Variants in KMT2C observed in about 807,000 individuals in gnomAD.
KMT2C encodes lysine methyltransferase 2C.
A neutral mutation model predicts 507.9 loss-of-function variants in KMT2C; 88 were observed. The ratio of observed to expected loss-of-function variants is 0.17; its 90% CI spans 0.15 to 0.21. The LOEUF is 0.21. Among genes scored for constraint, KMT2C ranks in the 10% least tolerant of loss-of-function variants. The probability of loss-of-function intolerance (pLI) is 1.00; values close to 1 mark genes in which losing one functional copy is unlikely to be tolerated. For synonymous variants in KMT2C, 2,049 were observed against 2,080.8 expected (o/e 0.98, Z 0.42); for missense variants, 4,954 against 5,957.8 (o/e 0.83, Z 5.55).
intron 1 of KMT2C, among the ~76,000 whole-genome samples, chr7:152,377,518 T>G (rs2097338292): frequency 6.6e-6 from 1 of 152,202 alleles, no homozygotes; most frequent in Non-Finnish European, 1.5e-5. Flanking sequence ...GCGGATCACT[T>G]GAAGCCAGGA....
intron 39 of KMT2C, among the ~76,000 whole-genome samples, chr7:152,172,270 C>T (rs2092996486): frequency 6.6e-6 from 1 of 152,170 alleles, no homozygotes; most frequent in Admixed American, 6.5e-5. Flanking sequence ...CTATCACTTC[C>T]ATTTCTAAAA....
Position 152,176,970 on chromosome 7 carries a change from G to A in KMT2C, c.8483C>T (p.Ser2828Phe), listed in dbSNP as rs757927593. Residue 2828 changes from serine to phenylalanine, a missense_variant, in exon 38 of 59, where the codon TCT becomes TTT. Around this residue, in one of 29 missense-constraint regions of KMT2C, gnomAD observed 1,689 missense variants for 1,654.3 expected, o/e 1.02. Coordinates refer to ENST00000262189, the MANE Select transcript of KMT2C (RefSeq NM_170606.3). The part of the protein sequence containing the change: ...VTNEVKTEVL[S>F]PNSKVESKCE... ...TTTGGATTCCACCTTAGAATTTGGA[G>A]ACAGTACTTCCGTTTTTACCTCATT... The A allele has an allele frequency of 1.9e-6, 3 of 1,614,060 alleles. No individual in the cohort carries two copies. The South Asian group carries it at 3.3e-5, about 18-fold the overall frequency.
Position 152,410,764 on chromosome 7 carries a change from A to T in KMT2C, c.161+24862T>A, listed in dbSNP as rs542642547. Among the ~76,000 whole-genome samples, 20 of 151,994 alleles carry T rather than the reference A, an allele frequency of 1.3e-4. No individual in the cohort carries two copies. In the East Asian group the frequency reaches 2.9e-3, roughly 22 times the overall value. On this transcript the variant is annotated intron_variant, in intron 1 of 58. Transcript: ENST00000262189. Reference sequence around the variant, plus strand: ...ATAATCCCAGCATTTTGGGAGGTTGAGGTAGGTGGATCACTTGAACCCAGG... The same window carrying T: ...ATAATCCCAGCATTTTGGGAGGTTGTGGTAGGTGGATCACTTGAACCCAGG...
intron 54 of KMT2C, 25 bp downstream of exon 54, chr7:152,145,128 A>G (rs768793172): frequency 1.2e-6 from 2 of 1,612,048 alleles, no homozygotes; most frequent in Non-Finnish European, 8.5e-7. Context: ...CCTGGGCTGT[A>G]CTATGTGAAG....
chr7:152,194,536 A>C lies in KMT2C; in HGVS notation c.4411T>G (p.Leu1471Val), dbSNP rs1276266716. 1.2e-6 allele frequency: 2 copies of C among 1,613,098 alleles called. No homozygotes were observed. Among genetic ancestry groups the C allele is most frequent in the Non-Finnish European group, 1.7e-6 (2 of 1,179,180 alleles). ...CTCTGATTGACATTTGGCTGAGGCA[A>C]AGAGGAAGGATCATCAGTGACAGGA... ...IGPVTDDPSS[L>V]PQPNVNQSSR... The change falls in exon 29 of 59, where the codon TTG becomes GTG. Residue 1471 changes from leucine to valine, a missense_variant. Physicochemically the swap from Leu to Val is conservative, Grantham distance 32 (BLOSUM62 1). Transcript: ENST00000262189.
chr7:152,367,329 G>A (rs551188650), intron 1 of KMT2C: 17 of 902,816 alleles, frequency 1.9e-5, no homozygotes, highest in Middle Eastern at 3.2e-4. Flanking sequence ...CTGCACCTTC[G>A]CAGAAGCCCT....
Position 152,177,220 on chromosome 7 carries a change from G to A in KMT2C, c.8233C>T (p.Leu2745=), listed in dbSNP as rs956827112. The change falls in exon 38 of 59, where the codon CTG becomes TTG. Residue 2745 remains leucine (L), a synonymous_variant. Transcript: ENST00000262189. ...TCTCCTGACCTTAAGAGGTCATCCA[G>A]GTTGGGATCATTAGTTTCCAAATTA... ...LDNLETNDPN[L]DDLLRSGEFD... is the part of the protein sequence containing the mutation. 2.5e-6 allele frequency: 4 copies of A among 1,613,558 alleles called. No homozygotes were observed. In the African/African-American group the frequency reaches 5.3e-5, roughly 22 times the overall value.
intron 6 of KMT2C, among the ~76,000 whole-genome samples, chr7:152,295,893 C>T (rs1321173395): frequency 3.3e-5 from 5 of 151,478 alleles, no homozygotes; most frequent in Non-Finnish European, 5.9e-5. Flanking sequence ...GGTGAAACCC[C>T]GTCTCTACTA....
chr7:152,315,412 A>C (rs2096713118), intron 3 of KMT2C, 74 bp from the exon 4 acceptor site: 1 of 1,034,764 alleles, frequency 9.7e-7, no homozygotes, highest in Non-Finnish European at 1.5e-6. Flanking sequence ...ATAACTATAG[A>C]TACTTGTGCT....
intron 1 of KMT2C, among the ~76,000 whole-genome samples, chr7:152,392,447 C>G (rs2097506370): frequency 1.3e-5 from 2 of 152,184 alleles, no homozygotes; most frequent in African/African-American, 4.8e-5. Context: ...CCATTTATAA[C>G]TCACCTAGTT....
At chr7:152,241,625 C>T (rs1339159771) in intron 14 of KMT2C, among the ~76,000 whole-genome samples, 4 of 152,122 alleles carry the variant, frequency 2.6e-5, no homozygotes, top group African/African-American at 4.8e-5. Flanking sequence ...CCACCTAGGA[C>T]GTTTTATTGT....
chr7:152,257,591 T>G (rs1175356310), intron 9 of KMT2C, among the ~76,000 whole-genome samples: 1 of 152,216 alleles, frequency 6.6e-6, no homozygotes, highest in Non-Finnish European at 1.5e-5. Flanking sequence ...TGTGCTGATG[T>G]TGCTACAACC....
intron 4 of KMT2C, 39 bp from the exon 5 acceptor site, chr7:152,311,985 G>T (rs2096676084): frequency 6.7e-7 from 1 of 1,491,110 alleles, no homozygotes; most frequent in Non-Finnish European, 9.1e-7. Context: ...GTGAAAACAA[G>T]CAGAAAATTG....
At chr7:152,151,624 G>A in intron 49 of KMT2C, 43 bp from the exon 50 acceptor site, 2 of 1,572,390 alleles carry the variant, frequency 1.3e-6, no homozygotes, top group Non-Finnish European at 1.7e-6. Flanking sequence ...ACTGACTGAT[G>A]ACACAAGGTG....
chr7:152,391,396 C>A (rs1172446972), intron 1 of KMT2C, among the ~76,000 whole-genome samples: 1 of 151,594 alleles, frequency 6.6e-6, no homozygotes, highest in Non-Finnish European at 1.5e-5. Context: ...TGCCTGCCAC[C>A]ACGCCTAGCT....
intron 1 of KMT2C, among the ~76,000 whole-genome samples, chr7:152,392,620 C>A (rs1589691549): frequency 6.6e-6 from 1 of 152,162 alleles, no homozygotes; most frequent in Non-Finnish European, 1.5e-5. Flanking sequence ...ACATCAGAAC[C>A]ACCAGGAAGC....
chr7:152,165,574 G>A (rs1378589337), intron 42 of KMT2C, among the ~76,000 whole-genome samples: 2 of 152,174 alleles, frequency 1.3e-5, no homozygotes, highest in Non-Finnish European at 2.9e-5. Context: ...TCACCTTATT[G>A]TTGGTACATT....
At chr7:152,291,667 G>T (rs1414160493) in intron 6 of KMT2C, among the ~76,000 whole-genome samples, 1 of 152,108 alleles carries the variant, frequency 6.6e-6, no homozygotes, top group Non-Finnish European at 1.5e-5. Flanking sequence ...TTCAAACTCA[G>T]CACTAACTTC....
intron 1 of KMT2C, among the ~76,000 whole-genome samples, chr7:152,389,104 G>A (rs954831246): frequency 1.2e-4 from 18 of 150,756 alleles, no homozygotes; most frequent in Admixed American, 6.0e-4. Flanking sequence ...GGATAGTCTC[G>A]ACCTCCTGGC....
Sources: gnomAD v4.1 joint callset for allele counts (sites outside exome capture counted in the v4.1 genomes callset) on GRCh38, gnomAD v4.1.1 for gene constraint, gnomAD v4.1.1 regional missense constraint, MANE v1.5 for transcripts, NCBI Gene and HGNC (gene_info 2026-07-23, HGNC 2026-07-21) for gene names.